Variants in DAB1 observed in about 807,000 individuals in gnomAD.
The protein encoded by DAB1 is disabled homolog 1.
A neutral mutation model predicts 64.6 loss-of-function variants in DAB1; 15 were observed. The observed-to-expected ratio is 0.23, with a 90% CI of 0.16 to 0.36. The LOEUF (loss-of-function observed/expected upper bound fraction) is 0.36. DAB1 is among the 10% of genes least tolerant of loss of function. DAB1 has a pLI of 1.00. For synonymous variants in DAB1, 235 were observed against 251.9 expected (o/e 0.93, Z 0.64); for missense variants, 596 against 706.7 (o/e 0.84, Z 1.78).
At chr1:57,568,575 T>TA (rs1645152402) in intron 7 of DAB1, among the ~76,000 whole-genome samples, 1 of 151,664 alleles carries the variant, frequency 6.6e-6, no homozygotes, top group Admixed American at 6.6e-5. Flanking sequence ...CAAACAAACT[T>TA]ACAAGAAAAA....
At chr1:57,811,410 C>T (rs1455027953) in intron 6 of DAB1, among the ~76,000 whole-genome samples, 1 of 152,172 alleles carries the variant, frequency 6.6e-6, no homozygotes, top group Non-Finnish European at 1.5e-5. Context: ...ATCTCCTCTT[C>T]CTCCTGCTCA....
rs530311423 is a variant in DAB1, at chr1:57,350,168, T to C, written c.-136-59002A>G. Among the ~76,000 whole-genome samples, 4 of 152,306 alleles carry C rather than the reference T, an allele frequency of 2.6e-5. No individual in the cohort carries two copies. In the South Asian group the frequency reaches 8.3e-4, roughly 32 times the overall value. On this transcript the variant is annotated intron_variant, in intron 1 of 14. Coordinates refer to ENST00000371236, the MANE Select transcript of DAB1 (RefSeq NM_001365792.1). ...GCTGAGCTCTGTGATAAGTTAAATA[T>C]GTACCAAGTCATTTCATCTTCAAGT... is the stretch of plus-strand genomic sequence containing the variant.
At chr1:58,035,242 A>C (rs1433622299) in intron 5 of DAB1, among the ~76,000 whole-genome samples, 1 of 152,218 alleles carries the variant, frequency 6.6e-6, no homozygotes, top group East Asian at 1.9e-4. Flanking sequence ...GCTATTTTAG[A>C]TCCTCCAACC....
At chr1:58,131,972 G>A (rs1212912133) in intron 5 of DAB1, among the ~76,000 whole-genome samples, 5 of 151,872 alleles carry the variant, frequency 3.3e-5, no homozygotes, top group Admixed American at 2.0e-4. Context: ...TCCTTGAGCT[G>A]TGGTGGGCTC....
At chr1:58,086,637 C>T (rs1339550069) in intron 5 of DAB1, among the ~76,000 whole-genome samples, 1 of 151,804 alleles carries the variant, frequency 6.6e-6, no homozygotes, top group Non-Finnish European at 1.5e-5. Flanking sequence ...GCCATCATGC[C>T]CCATCTCTAC....
chr1:58,229,017 C>A, intron 4 of DAB1: 1 of 395,792 alleles, frequency 2.5e-6, no homozygotes, highest in Non-Finnish European at 4.9e-6. Context: ...GCAGATCACC[C>A]ATGCAGTGGT....
At chr1:58,169,601 G>A (rs887628303) in intron 4 of DAB1, among the ~76,000 whole-genome samples, 1 of 152,176 alleles carries the variant, frequency 6.6e-6, no homozygotes, top group African/African-American at 2.4e-5. Context: ...GAAGGCAAAT[G>A]CAGTGAAATA....
chr1:57,506,371 G>T (rs12060723), intron 7 of DAB1, among the ~76,000 whole-genome samples: 2 of 152,116 alleles, frequency 1.3e-5, no homozygotes, highest in African/African-American at 4.8e-5. Flanking sequence ...TTCACACTGC[G>T]TTATCAGAGT....
At chr1:58,041,480 A>T (rs779344919) in intron 5 of DAB1, among the ~76,000 whole-genome samples, 11 of 152,034 alleles carry the variant, frequency 7.2e-5, no homozygotes, top group Non-Finnish European at 1.2e-4. Context: ...AGGTCTATAT[A>T]CTCTCATTTA....
intron 7 of DAB1, among the ~76,000 whole-genome samples, chr1:57,437,388 C>A (rs1685735892): frequency 6.6e-6 from 1 of 152,046 alleles, no homozygotes; most frequent in African/African-American, 2.4e-5. Flanking sequence ...CACAGTGATG[C>A]AAATCACACT....
At chr1:57,346,745 C>T (rs1014703522) in intron 1 of DAB1, among the ~76,000 whole-genome samples, 6 of 152,158 alleles carry the variant, frequency 3.9e-5, no homozygotes, top group Non-Finnish European at 8.8e-5. Flanking sequence ...GCTGAGGTTA[C>T]AGCAGTGTAC....
intron 3 of DAB1, among the ~76,000 whole-genome samples, chr1:58,452,178 C>T (rs1308287012): frequency 6.6e-6 from 1 of 151,958 alleles, no homozygotes; most frequent in Admixed American, 6.6e-5. Context: ...AGATGATCCA[C>T]CCACCTTGGC....
chr1:57,161,858 A>T (rs1488622778), intron 2 of DAB1, among the ~76,000 whole-genome samples: 1 of 152,238 alleles, frequency 6.6e-6, no homozygotes, highest in South Asian at 2.1e-4. Flanking sequence ...TTCAAAAAAA[A>T]AAAAAAAGTT....
intron 1 of DAB1, among the ~76,000 whole-genome samples, chr1:57,357,574 T>C (rs1383165859): frequency 1.3e-5 from 2 of 151,724 alleles, no homozygotes; most frequent in African/African-American, 4.8e-5. Context: ...CTTTGTTTCT[T>C]TTTCAGATAG....
At chr1:57,180,839 C>T (rs1167687532) in intron 2 of DAB1, among the ~76,000 whole-genome samples, 1 of 152,186 alleles carries the variant, frequency 6.6e-6, no homozygotes, top group East Asian at 1.9e-4. Flanking sequence ...TTAACACCTC[C>T]TGTCTCCTCT....
At chr1:57,645,918 T>C (rs1017180919) in intron 7 of DAB1, among the ~76,000 whole-genome samples, 1 of 152,158 alleles carries the variant, frequency 6.6e-6, no homozygotes, top group African/African-American at 2.4e-5. Flanking sequence ...CTACTTTCTT[T>C]CAAATTGGAA....
intron 1 of DAB1, among the ~76,000 whole-genome samples, chr1:58,529,529 T>G (rs1646400811): frequency 6.6e-6 from 1 of 152,224 alleles, no homozygotes; most frequent in African/African-American, 2.4e-5. Flanking sequence ...AGTAAGACTT[T>G]CCTTTCAGCA....
At chr1:57,254,257 C>T (rs1014952647) in intron 2 of DAB1, among the ~76,000 whole-genome samples, 3 of 152,294 alleles carry the variant, frequency 2.0e-5, no homozygotes, top group South Asian at 2.1e-4. Flanking sequence ...CCACCAGGCT[C>T]GGAAGCAGGA....
chr1:57,673,889 T>C (rs2101687313), intron 6 of DAB1, among the ~76,000 whole-genome samples: 1 of 152,316 alleles, frequency 6.6e-6, no homozygotes, highest in East Asian at 1.9e-4. Context: ...TATTTTCTAT[T>C]CTTGAGCGCC....
Sources: allele counts gnomAD v4.1 joint callset (sites outside exome capture counted in the v4.1 genomes callset), GRCh38; gene constraint gnomAD v4.1.1; transcripts MANE v1.5; gene names NCBI Gene and HGNC (gene_info 2026-07-23, HGNC 2026-07-21).